The following SUGCT variants were observed in gnomAD, a reference collection of about 807,000 sequenced individuals.
SUGCT encodes the protein succinyl-CoA:glutarate-CoA transferase.
In SUGCT, 41 loss-of-function variants were observed where a neutral mutation model predicts 55.0. The ratio of observed to expected loss-of-function variants is 0.74; its 90% confidence interval spans 0.58 to 0.97. The LOEUF is 0.97. SUGCT is among the 50% of genes least tolerant of loss of function. The pLI is 0.00. For missense variants in SUGCT, 568 were observed against 547.8 expected (o/e 1.04, Z -0.37); for synonymous variants, 187 against 200.4 (o/e 0.93, Z 0.56).
chr7:40,564,902 C>G (rs951173519), intron 12 of SUGCT, among the ~76,000 whole-genome samples: 3 of 152,112 alleles, frequency 2.0e-5, no homozygotes, highest in African/African-American at 7.2e-5. Flanking sequence ...TCCAAAATGC[C>G]CAATATGATC....
chr7:40,189,398 CTTT>C, intron 4 of SUGCT, 143 bp from the exon 5 acceptor site: 5 of 142,354 alleles, frequency 3.5e-5, no homozygotes, highest in Non-Finnish European at 5.5e-5. Flanking sequence ...AATACACATA[CTTT>C]TTTTTTTTTT....
the SUGCT span, among the ~76,000 whole-genome samples, chr7:40,969,917 C>T: frequency 6.6e-6 from 1 of 152,150 alleles, no homozygotes; most frequent in African/African-American, 2.4e-5. Context: ...TTAGTTTTTC[C>T]TGTTGGCTTT....
At chr7:40,603,874 CAT>C (rs1280358281) in intron 12 of SUGCT, among the ~76,000 whole-genome samples, 3 of 152,234 alleles carry the variant, frequency 2.0e-5, no homozygotes, top group Non-Finnish European at 4.4e-5. Flanking sequence ...CAAATCTGCT[CAT>C]GTCATTCCCC....
At chr7:40,727,588 T>A (rs1786673895) in intron 12 of SUGCT, among the ~76,000 whole-genome samples, 1 of 152,234 alleles carries the variant, frequency 6.6e-6, no homozygotes, top group African/African-American at 2.4e-5. Flanking sequence ...TATATCTCAC[T>A]ATACAGCCAT....
intron 6 of SUGCT, among the ~76,000 whole-genome samples, chr7:40,209,625 T>C (rs1787214404): frequency 6.6e-6 from 1 of 152,170 alleles, no homozygotes; most frequent in Non-Finnish European, 1.5e-5. Flanking sequence ...GGTGAAAACC[T>C]GTCTCTACTA....
intron 13 of SUGCT, among the ~76,000 whole-genome samples, chr7:40,774,602 A>G (rs962160225): frequency 3.3e-5 from 5 of 152,188 alleles, no homozygotes; most frequent in Non-Finnish European, 5.9e-5. Flanking sequence ...GCCGAAATGC[A>G]GTTATAATTT....
At chr7:40,398,247 A>G (rs1342717501) in intron 9 of SUGCT, among the ~76,000 whole-genome samples, 2 of 152,152 alleles carry the variant, frequency 1.3e-5, no homozygotes, top group Non-Finnish European at 2.9e-5. Flanking sequence ...ACATGCCACC[A>G]TGACCAGCTA....
the SUGCT span, among the ~76,000 whole-genome samples, chr7:40,983,375 CCTT>C: frequency 2.0e-5 from 3 of 152,204 alleles, no homozygotes; most frequent in African/African-American, 7.2e-5. Flanking sequence ...CTTTCTCTCC[CCTT>C]CTTGGTGATT....
intron 8 of SUGCT, among the ~76,000 whole-genome samples, chr7:40,309,330 T>C (rs1795017224): frequency 6.6e-6 from 1 of 151,342 alleles, no homozygotes; most frequent in East Asian, 1.9e-4. Context: ...TGAGACGGAG[T>C]CTCATTCTGT....
chr7:41,024,537 G>A, the SUGCT span, among the ~76,000 whole-genome samples: 1 of 151,860 alleles, frequency 6.6e-6, no homozygotes, highest in African/African-American at 2.4e-5. Context: ...ATATAAATAA[G>A]TGCATAGCAG....
In SUGCT at chr7:40,729,483, A is replaced by G. The variant is rs368217782; in HGVS notation, c.1090-19951A>G. Among the ~76,000 whole-genome samples the G allele has an allele frequency of 1.5e-3, 234 of 152,358 alleles. 2 individuals carry two copies. Among genetic ancestry groups the G allele is most frequent in the African/African-American group, 5.5e-3 (227 of 41,578 alleles). ...AGAGTCTTGCAGGACACATGTTTGC[A>G]AAGAAGATAACATTGGAGATGTGGT... is the stretch of plus-strand genomic sequence containing the variant. On this transcript the variant is annotated intron_variant, in intron 12 of 13. Transcript: ENST00000335693.
At chr7:40,844,076 G>A (rs1793428066) in intron 13 of SUGCT, among the ~76,000 whole-genome samples, 1 of 152,082 alleles carries the variant, frequency 6.6e-6, no homozygotes, top group Non-Finnish European at 1.5e-5. Context: ...TCTCTGGTGG[G>A]AGCAGGCTTT....
At chr7:40,151,079 C>T (rs1788543313) in intron 1 of SUGCT, among the ~76,000 whole-genome samples, 1 of 151,826 alleles carries the variant, frequency 6.6e-6, no homozygotes, top group Non-Finnish European at 1.5e-5. Flanking sequence ...TACTAAAATA[C>T]ACACAAAAAA....
At chr7:40,745,282 CCT>C (rs1377365187) in intron 12 of SUGCT, among the ~76,000 whole-genome samples, 5 of 151,854 alleles carry the variant, frequency 3.3e-5, no homozygotes, top group African/African-American at 9.7e-5. Context: ...TTAGAATATT[CCT>C]CTCTCACTTT....
At chr7:40,237,866 A>G (rs1235544836) in intron 7 of SUGCT, 140 bp downstream of exon 7, 3 of 647,132 alleles carry the variant, frequency 4.6e-6, no homozygotes, top group Non-Finnish European at 5.2e-6. Flanking sequence ...TGAAATTAAT[A>G]ATTTTAGAAA....
chr7:40,611,283 T>C (rs552509111), intron 12 of SUGCT, among the ~76,000 whole-genome samples: 4 of 152,224 alleles, frequency 2.6e-5, no homozygotes, highest in Non-Finnish European at 4.4e-5. Context: ...AAATGAATTA[T>C]CATAATTTAT....
chr7:40,219,943 T>C (rs569180786), intron 6 of SUGCT, among the ~76,000 whole-genome samples: 2 of 152,290 alleles, frequency 1.3e-5, no homozygotes, highest in African/African-American at 2.4e-5. Flanking sequence ...TTACCCTAAT[T>C]GCTGGCTGGT....
intron 12 of SUGCT, among the ~76,000 whole-genome samples, chr7:40,565,118 C>A (rs987137568): frequency 6.6e-6 from 1 of 152,148 alleles, no homozygotes; most frequent in African/African-American, 2.4e-5. Flanking sequence ...CTTTAAGGAA[C>A]GTTGAAAAAT....
chr7:40,821,605 G>A lies in SUGCT; in HGVS notation c.1154-38711G>A, dbSNP rs189770694. Among the ~76,000 whole-genome samples the A allele has an allele frequency of 2.2e-3, 331 of 152,228 alleles. 1 individual carries two copies. Among genetic ancestry groups the A allele is most frequent in the African/African-American group, 7.6e-3 (317 of 41,534 alleles). ...AATTTGTATTTCTGTGGGATCGGTG[G>A]TGATATCCCCTGTATCATTTTTTAT... On this transcript the variant is annotated intron_variant, in intron 13 of 13. Transcript: ENST00000335693.
Sources: allele counts gnomAD v4.1 joint callset (sites outside exome capture counted in the v4.1 genomes callset), GRCh38; gene constraint gnomAD v4.1.1; transcripts MANE v1.5; gene names NCBI Gene and HGNC (gene_info 2026-07-23, HGNC 2026-07-21).